The following GPC6 variants were observed in gnomAD, a reference collection of about 807,000 sequenced individuals.
GPC6 encodes glypican-6.
A neutral mutation model predicts 55.2 loss-of-function variants in GPC6; 14 were observed. The observed-to-expected ratio is 0.25, with a 90% CI of 0.17 to 0.40. The LOEUF (loss-of-function observed/expected upper bound fraction) is 0.40. Ranked by LOEUF, GPC6 falls within the 10% of genes least tolerant of loss-of-function variation. GPC6 has a pLI of 1.00. For missense variants in GPC6, 641 were observed against 708.5 expected, an observed-to-expected ratio of 0.90 and a Z score of 1.08; for synonymous variants, 278 against 259.6, an observed-to-expected ratio of 1.07 and a Z score of -0.68.
chr13:94,169,490 T>G (rs1888484561), intron 4 of GPC6, among the ~76,000 whole-genome samples: 1 of 151,710 alleles, frequency 6.6e-6, no homozygotes, highest in African/African-American at 2.4e-5. Flanking sequence ...ACTCAGAGGG[T>G]TAGAGGGTTA....
intron 1 of GPC6, among the ~76,000 whole-genome samples, chr13:93,503,702 C>T (rs1880606788): frequency 6.6e-6 from 1 of 152,032 alleles, no homozygotes; most frequent in Non-Finnish European, 1.5e-5. Flanking sequence ...GAGAGAAAGC[C>T]ATAGTAAGAA....
At chr13:94,367,229 C>T (rs1001778032) in intron 6 of GPC6, among the ~76,000 whole-genome samples, 1 of 152,226 alleles carries the variant, frequency 6.6e-6, no homozygotes, top group Admixed American at 6.5e-5. Context: ...TAAATCATTG[C>T]TATTTCTCAG....
chr13:93,998,157 C>T (rs1475977715), intron 3 of GPC6, among the ~76,000 whole-genome samples: 1 of 152,152 alleles, frequency 6.6e-6, no homozygotes, highest in Non-Finnish European at 1.5e-5. Context: ...AAGAGATATG[C>T]AGTAGCATGC....
In GPC6 at chr13:94,309,584, G is replaced by A. The variant is rs562054353; in HGVS notation, c.1152+3461G>A. On this transcript the variant is annotated intron_variant, in intron 6 of 8. Coordinates refer to ENST00000377047, the MANE Select transcript of GPC6 (RefSeq NM_005708.5). ...GAACATTTCCATTTGCTCCTCTAAA[G>A]TTATATACACATAAGAAGCAGTTGA... Among the ~76,000 whole-genome samples, 5 of 152,186 alleles carry A rather than the reference G, an allele frequency of 3.3e-5. No homozygotes were observed. The South Asian group carries it at 1.0e-3, about 32-fold the overall frequency.
At chr13:93,406,625 C>T (rs1272362891) in intron 1 of GPC6, among the ~76,000 whole-genome samples, 1 of 152,170 alleles carries the variant, frequency 6.6e-6, no homozygotes, top group African/African-American at 2.4e-5. Context: ...AGAAGTGAGA[C>T]ATGAATTAAG....
chr13:94,295,413 AGTCTGTGGG>A (rs1356649550), intron 5 of GPC6, among the ~76,000 whole-genome samples: 5 of 152,160 alleles, frequency 3.3e-5, no homozygotes, highest in African/African-American at 1.2e-4. Flanking sequence ...CACCTATGAT[AGTCTGTGGG>A]GTTGTTTTTA....
At chr13:93,728,941 T>C (rs1286594576) in intron 2 of GPC6, among the ~76,000 whole-genome samples, 2 of 152,152 alleles carry the variant, frequency 1.3e-5, no homozygotes, top group Non-Finnish European at 2.9e-5. Context: ...TCCAGAGAAG[T>C]GTATGAGTCA....
At chr13:93,658,829 C>A (rs958286333) in intron 2 of GPC6, among the ~76,000 whole-genome samples, 1 of 151,660 alleles carries the variant, frequency 6.6e-6, no homozygotes, top group African/African-American at 2.4e-5. Flanking sequence ...TGTAGGTCAG[C>A]AATTTCCTTC....
At chr13:93,672,515 G>T (rs1262951321) in intron 2 of GPC6, among the ~76,000 whole-genome samples, 1 of 151,554 alleles carries the variant, frequency 6.6e-6, no homozygotes, top group Non-Finnish European at 1.5e-5. Flanking sequence ...GTAAAAATTG[G>T]ATTTTTTTCT....
At chr13:93,241,634 A>C (rs1489552289) in intron 1 of GPC6, among the ~76,000 whole-genome samples, 1 of 152,074 alleles carries the variant, frequency 6.6e-6, no homozygotes, top group Non-Finnish European at 1.5e-5. Flanking sequence ...TTTATGATCA[A>C]TATTTTGAAT....
rs8000286 is a variant in GPC6 at position 93,255,144 on chromosome 13, A to G, written c.160+27528A>G. Among the ~76,000 whole-genome samples the G allele has an allele frequency of 2.6e-3, 389 of 152,342 alleles. 4 individuals carry two copies. Among genetic ancestry groups the G allele is most frequent in the African/African-American group, 8.9e-3 (372 of 41,574 alleles). ...AGGCAAGAGGTGATGAAATGAGTGA[A>G]TTCCAGAACTAGTGGAAAGAAAACG... is the stretch of plus-strand genomic sequence containing the variant. On this transcript the variant is annotated intron_variant, in intron 1 of 8. Transcript: ENST00000377047.
rs535055460 is a variant in GPC6 at position 93,345,383 on chromosome 13, A to C, written c.160+117767A>C. Reference sequence around the variant, plus strand: ...GGTTATTTTTGTTGTTGATGATATCAGTATTGCTGTTGCTATTGTAGTATT... The same window carrying C: ...GGTTATTTTTGTTGTTGATGATATCCGTATTGCTGTTGCTATTGTAGTATT... On this transcript the variant is annotated intron_variant, in intron 1 of 8. Transcript: ENST00000377047. Among the ~76,000 whole-genome samples the C allele has an allele frequency of 7.9e-4, 120 of 152,230 alleles. 1 individual carries two copies. Among genetic ancestry groups the C allele is most frequent in the Non-Finnish European group, 1.5e-3 (100 of 68,010 alleles).
At position 93,554,959 on chromosome 13, in the gene GPC6, C is replaced by G. The variant is rs118105908; in HGVS notation, c.319+9538C>G. Among the ~76,000 whole-genome samples, 1,387 of 152,292 alleles carry G rather than the reference C, an allele frequency of 9.1e-3. 13 individuals carry two copies. The highest frequency in any genetic ancestry group is 0.014 in the Non-Finnish European group (944 of 68,020). On this transcript the variant is annotated intron_variant, in intron 2 of 8. Coordinates refer to ENST00000377047, the MANE Select transcript of GPC6 (RefSeq NM_005708.5). The stretch of plus-strand genomic sequence containing the variant: ...AAAACTATATATAGTAGTTTACAGT[C>G]TTCACACTGTTTCCTCCCTTCCTAG...
intron 3 of GPC6, among the ~76,000 whole-genome samples, chr13:93,979,389 C>G (rs1318822342): frequency 6.7e-6 from 1 of 149,364 alleles, no homozygotes; most frequent in African/African-American, 2.5e-5. Context: ...TAGTAGACTA[C>G]TCTTTGAGTT....
intron 6 of GPC6, among the ~76,000 whole-genome samples, chr13:94,320,664 T>TTAA (rs1287677915): frequency 5.9e-5 from 9 of 152,208 alleles, no homozygotes; most frequent in African/African-American, 1.9e-4. Flanking sequence ...CCATCAAGGC[T>TTAA]TAAGGTCATC....
At chr13:93,689,873 A>C (rs1566488378) in intron 2 of GPC6, among the ~76,000 whole-genome samples, 1 of 152,150 alleles carries the variant, frequency 6.6e-6, no homozygotes, top group Non-Finnish European at 1.5e-5. Context: ...TCAGTCACTT[A>C]AATCAGTCCA....
chr13:93,853,296 C>T (rs904112158), intron 3 of GPC6, among the ~76,000 whole-genome samples: 6 of 151,640 alleles, frequency 4.0e-5, no homozygotes, highest in African/African-American at 1.5e-4. Flanking sequence ...GTGTGAACAA[C>T]GCCTTACCAC....
At chr13:93,393,125 TATAGAGAG>T (rs201836505) in intron 1 of GPC6, among the ~76,000 whole-genome samples, 7,969 of 96,388 alleles carry the variant, frequency 0.083, 152 homozygotes, top group South Asian at 0.11. Flanking sequence ...TATATATATA[TATAGAGAG>T]AGAGAGAGAG....
At chr13:93,897,623 A>G (rs1360339464) in intron 3 of GPC6, among the ~76,000 whole-genome samples, 2 of 152,180 alleles carry the variant, frequency 1.3e-5, no homozygotes, top group South Asian at 2.1e-4. Context: ...GAAAGCATAC[A>G]TCCATGTGCC....
Sources: allele counts gnomAD v4.1 joint callset (sites outside exome capture counted in the v4.1 genomes callset), GRCh38; gene constraint gnomAD v4.1.1; transcripts MANE v1.5; gene names NCBI Gene and HGNC (gene_info 2026-07-23, HGNC 2026-07-21).